CACHD1: variants seen among roughly 807,000 people sequenced by gnomAD.
CACHD1 encodes cache domain containing 1.
A neutral mutation model predicts 138.7 loss-of-function variants in CACHD1; 71 were observed. The observed-to-expected ratio is 0.51, with a 90% CI of 0.42 to 0.62. The LOEUF (loss-of-function observed/expected upper bound fraction) is 0.62, where lower values mean the gene tolerates loss of function less well. CACHD1 is among the 20% of genes least tolerant of loss of function. The probability of loss-of-function intolerance (pLI) is 0.00; values close to 1 mark genes in which losing one functional copy is unlikely to be tolerated. For missense variants in CACHD1, 1,389 were observed against 1,625.3 expected (o/e 0.85, Z 2.50); for synonymous variants, 578 against 591.5 (o/e 0.98, Z 0.33).
intron 1 of CACHD1, among the ~76,000 whole-genome samples, chr1:64,502,820 C>T (rs923075110): frequency 2.6e-5 from 4 of 152,260 alleles, no homozygotes; most frequent in Admixed American, 2.6e-4. Flanking sequence ...TTCCCAAACC[C>T]AAGTGGCAGC....
chr1:64,556,667 T>C (rs1459218841), intron 2 of CACHD1, among the ~76,000 whole-genome samples: 1 of 59,560 alleles, frequency 1.7e-5, no homozygotes, highest in Non-Finnish European at 4.4e-5. Context: ...GGTATACAGT[T>C]TTACTTGCTT....
At chr1:64,566,301 C>T (rs1570372194) in intron 2 of CACHD1, among the ~76,000 whole-genome samples, 2 of 152,154 alleles carry the variant, frequency 1.3e-5, no homozygotes, top group South Asian at 4.1e-4. Flanking sequence ...ATGGCAGGTG[C>T]TCAGTAAAAA....
At chr1:64,526,579 G>T (rs895983166) in intron 1 of CACHD1, among the ~76,000 whole-genome samples, 2 of 152,190 alleles carry the variant, frequency 1.3e-5, no homozygotes, top group African/African-American at 4.8e-5. Context: ...ACTTGAGGAG[G>T]GGGGTGAGGA....
chr1:64,545,010 C>T (rs1386987545), intron 1 of CACHD1, among the ~76,000 whole-genome samples: 2 of 152,098 alleles, frequency 1.3e-5, no homozygotes, highest in African/African-American at 2.4e-5. Flanking sequence ...CTAGGTGACT[C>T]TTCAGTTAGC....
At chr1:64,679,458 A>T in intron 23 of CACHD1, 137 bp from the exon 24 acceptor site, 1 of 915,868 alleles carries the variant, frequency 1.1e-6, no homozygotes, top group Non-Finnish European at 1.7e-6. Flanking sequence ...TGTTTGAGGA[A>T]CTCAAAGCCT....
Position 64,653,801 on chromosome 1 carries a change from G to T in CACHD1, c.1584G>T (p.Leu528Phe), listed in dbSNP as rs371292654. Residue 528 changes from leucine to phenylalanine, a missense_variant, in exon 11 of 27, where the codon TTG (leucine) becomes TTT (phenylalanine). Physicochemically the swap from Leu to Phe is conservative, Grantham distance 22 (BLOSUM62 0). This residue lies in a region of CACHD1 where 1,000 missense variants were observed against 1,114.7 expected (regional missense o/e 0.90). Transcript: ENST00000651257. ...CATCTCTTACCAGGCCATATTTATT[G>T]TCAGAGCCCCCACTTCATACTGACA... ...MHPSLTRPYL[L>F]SEPPLHTDII... 1.2e-5 allele frequency: 20 copies of T among 1,613,200 alleles called. No individual in the cohort carries two copies. Among genetic ancestry groups the T allele is most frequent in the Non-Finnish European group, 1.7e-5 (20 of 1,179,442 alleles).
Position 64,538,116 on chromosome 1 carries a change from T to C in CACHD1, c.199-12478T>C, listed in dbSNP as rs539451129. 2.4e-4 allele frequency among the ~76,000 whole-genome samples: 36 copies of C among 152,274 alleles called. 1 individual carries two copies. Among genetic ancestry groups the C allele is most frequent in the Admixed American group, 1.4e-3 (21 of 15,296 alleles). ...AGGGTTGTTACCATGGCATTCGATATGCGTGACAGGCACCCTGGCTGTGAC... is the reference window on the plus strand; with the variant it reads ...AGGGTTGTTACCATGGCATTCGATACGCGTGACAGGCACCCTGGCTGTGAC... On this transcript the variant is annotated intron_variant, in intron 1 of 26. Coordinates refer to ENST00000651257, the MANE Select transcript of CACHD1 (RefSeq NM_020925.4).
chr1:64,508,201 A>T (rs1447877188), intron 1 of CACHD1, among the ~76,000 whole-genome samples: 3 of 152,176 alleles, frequency 2.0e-5, no homozygotes, highest in Non-Finnish European at 4.4e-5. Context: ...AAATCCACCC[A>T]CATGATCCAA....
At chr1:64,618,080 C>CAAA (rs11418731) in intron 4 of CACHD1, among the ~76,000 whole-genome samples, 4 of 144,234 alleles carry the variant, frequency 2.8e-5, no homozygotes, top group Non-Finnish European at 6.0e-5. Flanking sequence ...AACTCAGTCT[C>CAAA]AAAAAAAAAA....
rs535912804 is a variant in CACHD1, at chr1:64,631,956, A to G, written c.645-643A>G. Among the ~76,000 whole-genome samples the G allele has an allele frequency of 1.1e-4, 16 of 152,078 alleles. No individual in the cohort carries two copies. The South Asian group carries it at 3.3e-3, about 32-fold the overall frequency. ...GGAGCCTTTGTATGAGAAGAGAGAAACCAAACCTGCCATTCAAAGCTGCTC... is the reference window on the plus strand; with the variant it reads ...GGAGCCTTTGTATGAGAAGAGAGAAGCCAAACCTGCCATTCAAAGCTGCTC... On this transcript the variant is annotated intron_variant, in intron 5 of 26. Transcript: ENST00000651257.
chr1:64,607,232 C>T (rs1004273199), intron 4 of CACHD1, among the ~76,000 whole-genome samples: 7 of 152,078 alleles, frequency 4.6e-5, no homozygotes, highest in African/African-American at 1.7e-4. Context: ...CTGAGAAGGG[C>T]AGTCAGGCAG....
chr1:64,624,652 G>T (rs1270384583), intron 4 of CACHD1, among the ~76,000 whole-genome samples: 4 of 152,158 alleles, frequency 2.6e-5, no homozygotes, highest in African/African-American at 9.7e-5. Context: ...GTCACAGACT[G>T]CCTTGACTCT....
intron 26 of CACHD1, among the ~76,000 whole-genome samples, chr1:64,689,530 C>G (rs1452208696): frequency 6.6e-6 from 1 of 152,176 alleles, no homozygotes; most frequent in Non-Finnish European, 1.5e-5. Flanking sequence ...CCCTGTCTTT[C>G]CTTTCGCTTC....
chr1:64,675,253 C>T, intron 19 of CACHD1, 148 bp from the exon 20 acceptor site: 1 of 545,682 alleles, frequency 1.8e-6, no homozygotes, highest in South Asian at 4.1e-5. Flanking sequence ...TTAACAGTGA[C>T]TATATATTTT....
At chr1:64,659,617 A>C (rs1175873116) in intron 13 of CACHD1, among the ~76,000 whole-genome samples, 4 of 152,228 alleles carry the variant, frequency 2.6e-5, no homozygotes. Context: ...CCCAGATAAC[A>C]TAAAATATAG....
chr1:64,625,806 T>A (rs1268016976), intron 4 of CACHD1, among the ~76,000 whole-genome samples: 2 of 152,192 alleles, frequency 1.3e-5, no homozygotes, highest in Non-Finnish European at 2.9e-5. Context: ...CCTAAATGTC[T>A]ATGGATTTTG....
At chr1:64,670,717 A>AT (rs1420928466) in intron 16 of CACHD1, among the ~76,000 whole-genome samples, 1 of 152,126 alleles carries the variant, frequency 6.6e-6, no homozygotes, top group Non-Finnish European at 1.5e-5. Context: ...CTTAGCTTCT[A>AT]TTTTTTTAGG....
intron 1 of CACHD1, among the ~76,000 whole-genome samples, chr1:64,548,976 A>C (rs532381176): frequency 6.6e-6 from 1 of 152,326 alleles, no homozygotes; most frequent in South Asian, 2.1e-4. Context: ...CCAGATCTGA[A>C]GTCATATTGC....
intron 1 of CACHD1, among the ~76,000 whole-genome samples, chr1:64,529,264 A>G (rs1202535796): frequency 6.6e-6 from 1 of 152,222 alleles, no homozygotes; most frequent in Non-Finnish European, 1.5e-5. Context: ...TGCAGTAACC[A>G]TAGAAAAATA....
Sources: allele counts gnomAD v4.1 joint callset (sites outside exome capture counted in the v4.1 genomes callset), GRCh38; gene constraint gnomAD v4.1.1; regional missense constraint gnomAD v4.1.1; transcripts MANE v1.5; gene names NCBI Gene and HGNC (gene_info 2026-07-23, HGNC 2026-07-21).